HELZ: variants seen among roughly 807,000 people sequenced by gnomAD.
HELZ encodes helicase with zinc finger.
HELZ carries 23 observed loss-of-function variants against 218.2 expected under a neutral mutation model. The observed-to-expected ratio is 0.11, with a 90% CI of 0.08 to 0.15. The LOEUF (loss-of-function observed/expected upper bound fraction) is 0.15, where lower values mean the gene tolerates loss of function less well. HELZ is among the 10% of genes least tolerant of loss of function. The pLI is 1.00. For missense variants in HELZ, 1,813 were observed against 2,353.7 expected (o/e 0.77, Z 4.75); for synonymous variants, 814 against 829.4 (o/e 0.98, Z 0.32).
At chr17:67,158,453 C>T (rs1448500912) in intron 17 of HELZ, among the ~76,000 whole-genome samples, 1 of 152,116 alleles carries the variant, frequency 6.6e-6, no homozygotes, top group Non-Finnish European at 1.5e-5. Context: ...AATAATAGTG[C>T]TAATAAATCT....
In HELZ at chr17:67,212,320, A is replaced by AAAAAAAAAAAAAAAG. The variant is rs1307588203; in HGVS notation, c.247+3578_247+3579insCTTTTTTTTTTTTTT. Among the ~76,000 whole-genome samples the AAAAAAAAAAAAAAAG allele has an allele frequency of 1.9e-4, 27 of 145,180 alleles. 4 individuals carry two copies. Among genetic ancestry groups the AAAAAAAAAAAAAAAG allele is most frequent in the Middle Eastern group, 3.5e-3 (1 of 282 alleles). Reference sequence around the variant, plus strand: ...ACAGGGAGAGACACCATCTCAAAAAAAAAAAAAAAAAAAAAGGCTACACTG... The same window carrying AAAAAAAAAAAAAAAG: ...ACAGGGAGAGACACCATCTCAAAAAAAAAAAAAAAAAAAAGAAAAAAAAAAAAAAAGGCTACACTG... On this transcript the variant is annotated intron_variant, in intron 5 of 32. Coordinates refer to ENST00000358691, the MANE Select transcript of HELZ (RefSeq NM_014877.4).
chr17:67,152,320 C>T (rs2038709244), intron 17 of HELZ, among the ~76,000 whole-genome samples: 1 of 152,108 alleles, frequency 6.6e-6, no homozygotes, highest in Non-Finnish European at 1.5e-5. Flanking sequence ...CACTGAGCGG[C>T]ACGGAGGAAG....
At chr17:67,106,529 G>A (rs563802281) in intron 31 of HELZ, among the ~76,000 whole-genome samples, 126 of 151,984 alleles carry the variant, frequency 8.3e-4, no homozygotes, top group Non-Finnish European at 1.5e-3. Flanking sequence ...GGATGGTCTC[G>A]ATCTCCTGAC....
In HELZ at chr17:67,188,563, A is replaced by G; in HGVS notation, c.918T>C (p.His306=). 1 of 1,613,794 alleles carries G rather than the reference A, an allele frequency of 6.2e-7. No homozygotes were observed. Among genetic ancestry groups the G allele is most frequent in the Non-Finnish European group, 8.5e-7 (1 of 1,179,722 alleles). Reference sequence around the variant, plus strand: ...CGGCAGATATTGCAATGATACTAAAATGAGGACGATGAGCATCATAAAGCA... The same window carrying G: ...CGGCAGATATTGCAATGATACTAAAGTGAGGACGATGAGCATCATAAAGCA... The part of the protein sequence containing the change: ...VALLYDAHRP[H]FSIIAISAGD... The change falls in exon 12 of 33, where the codon CAT becomes CAC. Residue 306 remains histidine, a synonymous_variant. Coordinates refer to ENST00000358691, the MANE Select transcript of HELZ (RefSeq NM_014877.4). This position sits in a 1 kb window ranked among gnomAD's most constrained non-coding sequence, Gnocchi z 4.1.
At chr17:67,193,221 TG>T (rs1259614394) in intron 9 of HELZ, among the ~76,000 whole-genome samples, 1 of 151,870 alleles carries the variant, frequency 6.6e-6, no homozygotes, top group African/African-American at 2.4e-5. Context: ...GGCACACGCC[TG>T]TAGTCCCAGC....
rs2035994954 is a variant in HELZ at position 67,075,571 on chromosome 17, A to G, written c.*2681T>C. 1 of 152,242 alleles carries G rather than the reference A, an allele frequency of 6.6e-6. No individual in the cohort carries two copies. Among genetic ancestry groups the G allele is most frequent in the Non-Finnish European group, 1.5e-5 (1 of 68,030 alleles). The allele number at this position is 152,242 out of a possible 1,614,324, so 9.4% of individuals were successfully genotyped here. The stretch of plus-strand genomic sequence containing the variant: ...AGAACATCAGCTGTACTCAGAAGAC[A>G]CGCCTCATTTTGATGGAAACTTGCA... On this transcript the variant is annotated 3_prime_UTR_variant, in exon 33 of 33. Coordinates refer to ENST00000358691, the MANE Select transcript of HELZ (RefSeq NM_014877.4).
At chr17:67,245,497 G>C (rs924211357), upstream of HELZ, 3 of 985,622 alleles carry the variant, frequency 3.0e-6, no homozygotes, top group African/African-American at 1.7e-5. Context: ...CAGACGCCCC[G>C]CGTCTGCATT....
chr17:67,143,477 G>A (rs908906378), intron 21 of HELZ, among the ~76,000 whole-genome samples: 9 of 151,976 alleles, frequency 5.9e-5, no homozygotes, highest in South Asian at 2.1e-4. Context: ...TTAACTAGGC[G>A]TGGTGGTGCG....
chr17:67,170,593 G>A (rs1020348910), intron 13 of HELZ, among the ~76,000 whole-genome samples: 16 of 151,974 alleles, frequency 1.1e-4, no homozygotes, highest in Admixed American at 3.9e-4. Context: ...TTGGGAGGCC[G>A]AGGCGGGAAG....
intron 31 of HELZ, among the ~76,000 whole-genome samples, chr17:67,103,764 A>G (rs1656661375): frequency 1.3e-5 from 2 of 152,226 alleles, no homozygotes; most frequent in South Asian, 4.1e-4. Context: ...CTCACATGAG[A>G]AAATTCAAGG....
chr17:67,151,879 A>C (rs994101883), intron 17 of HELZ, among the ~76,000 whole-genome samples: 1 of 152,150 alleles, frequency 6.6e-6, no homozygotes, highest in Non-Finnish European at 1.5e-5. Context: ...CCATCCATCT[A>C]CTCATCCACC....
intron 12 of HELZ, among the ~76,000 whole-genome samples, chr17:67,186,041 T>C (rs551152706): frequency 2.6e-5 from 4 of 152,226 alleles, no homozygotes; most frequent in African/African-American, 7.2e-5. Context: ...ACTCCTACAA[T>C]GTGTTCTCTT....
intron 32 of HELZ, among the ~76,000 whole-genome samples, 192 bp downstream of exon 32, chr17:67,086,625 AATATAAATATAT>A (rs1443983741): frequency 2.6e-4 from 10 of 38,544 alleles, no homozygotes; most frequent in African/African-American, 1.1e-3. Context: ...AATAAATATA[AATATAAATATAT>A]ATATATATAT....
chr17:67,190,016 C>G (rs2039852267), intron 10 of HELZ, 141 bp downstream of exon 10: 1 of 693,882 alleles, frequency 1.4e-6, no homozygotes, highest in Non-Finnish European at 2.4e-6. Context: ...TCTACTATAG[C>G]TACTAAAAAC....
intron 22 of HELZ, among the ~76,000 whole-genome samples, chr17:67,137,126 G>A (rs554191186): frequency 6.6e-6 from 1 of 152,072 alleles, no homozygotes; most frequent in African/African-American, 2.4e-5. Context: ...AGAAAGTCTA[G>A]GTGTATATCA....
At chr17:67,220,917 C>A (rs1304687881) in intron 3 of HELZ, among the ~76,000 whole-genome samples, 1 of 146,864 alleles carries the variant, frequency 6.8e-6, no homozygotes, top group Non-Finnish European at 1.5e-5. Context: ...TAAACTTCCT[C>A]AGCTTTCCTT....
intron 3 of HELZ, among the ~76,000 whole-genome samples, chr17:67,230,847 T>C (rs988127265): frequency 6.6e-6 from 1 of 152,170 alleles, no homozygotes; most frequent in African/African-American, 2.4e-5. Context: ...AATCAGACTT[T>C]AAAACTGAGA....
chr17:67,221,843 T>G (rs937970006), intron 3 of HELZ, among the ~76,000 whole-genome samples: 5 of 133,464 alleles, frequency 3.7e-5, no homozygotes, highest in South Asian at 2.4e-4. Flanking sequence ...GTTTTTTGTG[T>G]TTTTTTTTTT....
At chr17:67,124,037 AT>A (rs1567819966) in intron 24 of HELZ, 23 bp from the exon 25 acceptor site, 1 of 1,472,698 alleles carries the variant, frequency 6.8e-7, no homozygotes, top group South Asian at 1.1e-5. Flanking sequence ...ACACAAATGT[AT>A]AATAATTTAA....
Sources: allele counts gnomAD v4.1 joint callset (sites outside exome capture counted in the v4.1 genomes callset), GRCh38; gene constraint gnomAD v4.1.1; non-coding constraint Gnocchi (gnomAD v3.1); transcripts MANE v1.5; gene names NCBI Gene and HGNC (gene_info 2026-07-23, HGNC 2026-07-21).